The following POLRMT variants were observed in gnomAD, a reference collection of about 807,000 sequenced individuals.
POLRMT encodes RNA polymerase mitochondrial.
A neutral mutation model predicts 132.2 loss-of-function variants in POLRMT; 114 were observed. The observed-to-expected ratio is 0.86, with a 90% CI of 0.74 to 1.01. POLRMT has a LOEUF of 1.01. Among genes scored for constraint, POLRMT ranks in the 50% least tolerant of loss-of-function variants. POLRMT has a pLI of 0.00. For synonymous variants in POLRMT, 1,020 were observed against 773.4 expected (o/e 1.32, Z -5.29); for missense variants, 2,003 against 1,729.1 (o/e 1.16, Z -2.81).
At position 621,605 on chromosome 19, in the gene POLRMT, G is replaced by A. The variant is rs1461637819; in HGVS notation, c.2093C>T (p.Ala698Val). The A allele has an allele frequency of 6.6e-7, 1 of 1,504,314 alleles. No homozygotes were observed. Among genetic ancestry groups the A allele is most frequent in the Admixed American group, 2.1e-5 (1 of 46,950 alleles). The allele number at this position is 1,504,314 out of a possible 1,614,324, so 93.2% of individuals were successfully genotyped here. The change falls in exon 10 of 21, where the codon GCC becomes GTC. Residue 698 changes from alanine (A) to valine (V), a missense_variant. Coordinates refer to ENST00000588649, the MANE Select transcript of POLRMT (RefSeq NM_005035.4). ...PPTALHGALD[A>V]LTQLGNCAWR... Reference sequence around the variant, plus strand: ...GGCGCAGTTGCCCAGTTGGGTGAGGGCGTCCAGTGCGCCATGCAGCGCGGT... The same window carrying A: ...GGCGCAGTTGCCCAGTTGGGTGAGGACGTCCAGTGCGCCATGCAGCGCGGT...
At chr19:622,012 C>A (rs990759105) in intron 9 of POLRMT, 137 bp downstream of exon 9, 3 of 1,141,606 alleles carry the variant, frequency 2.6e-6, no homozygotes, top group African/African-American at 3.1e-5. Flanking sequence ...TGCATGGACA[C>A]CCATGGTGTG....
At chr19:621,031 C>A (rs774256351) in intron 10 of POLRMT, 27 bp downstream of exon 10, 1 of 1,378,336 alleles carries the variant, frequency 7.3e-7, no homozygotes, top group Non-Finnish European at 9.4e-7. Flanking sequence ...GCCGGGAGGG[C>A]GGGGAATGCG....
At chr19:621,873 G>A in intron 9 of POLRMT, 27 bp from the exon 10 acceptor site, 1 of 1,598,816 alleles carries the variant, frequency 6.3e-7, no homozygotes, top group Non-Finnish European at 8.5e-7. Flanking sequence ...AGACGGGTCA[G>A]GGCCCCGGTG....
chr19:621,420 G>T lies in POLRMT; in HGVS notation c.2278C>A (p.Arg760Ser), dbSNP rs777920611. ...ACCTTCTGGCAGTGCGCCAGCTCAC[G>T]GCGCAGCTCGGCCTTGCGGGCGGGC... ...AAPARKAELR[R>S]ELAHCQKVAR... The change falls in exon 10 of 21, where the codon CGT (arginine) becomes AGT (serine). Residue 760 changes from arginine to serine, a missense_variant. Physicochemically the swap from Arg to Ser is moderately radical, Grantham distance 110. Transcript: ENST00000588649. 1.2e-5 allele frequency: 18 copies of T among 1,486,294 alleles called. No individual in the cohort carries two copies. The highest frequency in any genetic ancestry group is 2.4e-4 in the Middle Eastern group (1 of 4,202). The allele number at this position is 1,486,294 out of a possible 1,614,324, so 92.1% of individuals were successfully genotyped here.
chr19:624,098 C>T (rs959666874), intron 5 of POLRMT, among the ~76,000 whole-genome samples: 3 of 152,236 alleles, frequency 2.0e-5, no homozygotes, highest in Non-Finnish European at 2.9e-5. Context: ...CATAAACGGA[C>T]GAACAGACGG....
intron 3 of POLRMT, chr19:625,520 T>TC (rs2144658194): frequency 2.3e-6 from 1 of 428,962 alleles, no homozygotes; most frequent in African/African-American, 2.0e-5. Flanking sequence ...TCCAGATTTG[T>TC]CAATTGTGTG....
intron 11 of POLRMT, 29 bp from the exon 12 acceptor site, chr19:620,109 G>A (rs1397157156): frequency 5.9e-6 from 9 of 1,534,530 alleles, no homozygotes; most frequent in Non-Finnish European, 7.0e-6. Flanking sequence ...ACGGGAGATG[G>A]AAGCTAGAGA....
intron 8 of POLRMT, 82 bp from the exon 9 acceptor site, chr19:622,455 G>A: frequency 6.8e-7 from 1 of 1,461,566 alleles, no homozygotes; most frequent in South Asian, 1.4e-5. Flanking sequence ...CGCCCGGTGG[G>A]GCATCTGTCA....
intron 5 of POLRMT, 135 bp downstream of exon 5, chr19:624,584 G>T: frequency 1.0e-6 from 1 of 1,000,414 alleles, no homozygotes; most frequent in Non-Finnish European, 1.4e-6. Flanking sequence ...TCTCAGAGGA[G>T]GAAGGGAGGA....
chr19:621,852 G>A lies in POLRMT; in HGVS notation c.1852-6C>T, dbSNP rs755738226. On this transcript the variant is annotated splice_polypyrimidine_tract_variant and splice_region_variant and intron_variant, in intron 9 of 20. Transcript: ENST00000588649. ...TGCGGCTTCAGGATGCCGATCTGGGGTGCGACAGGCAGACGGGTCAGGGCC... is the reference window on the plus strand; with the variant it reads ...TGCGGCTTCAGGATGCCGATCTGGGATGCGACAGGCAGACGGGTCAGGGCC... The A allele has an allele frequency of 6.2e-7, 1 of 1,601,384 alleles. No individual in the cohort carries two copies. The highest frequency in any genetic ancestry group is 8.5e-7 in the Non-Finnish European group (1 of 1,179,752).
chr19:620,918 CGGGCAGGGGGCGCCAGGG>C, intron 10 of POLRMT, 122 bp downstream of exon 10: 1 of 115,372 alleles, frequency 8.7e-6, no homozygotes, highest in Non-Finnish European at 1.4e-5. Context: ...AGGAGGAAGA[CGGGCAGGGGGCGCCAGGG>C]GAGGGGGAGG....
chr19:629,303 C>G (rs2283575), intron 3 of POLRMT, among the ~76,000 whole-genome samples: 1 of 151,956 alleles, frequency 6.6e-6, no homozygotes, highest in Non-Finnish European at 1.5e-5. Context: ...TCACGAGCCC[C>G]GAGAAAGAAC....
At chr19:623,928 G>A (rs1331338193) in intron 5 of POLRMT, among the ~76,000 whole-genome samples, 1 of 152,180 alleles carries the variant, frequency 6.6e-6, no homozygotes, top group Admixed American at 6.5e-5. Flanking sequence ...CTCAAACTCA[G>A]AACTGTATGA....
chr19:622,437 G>C, intron 8 of POLRMT, 64 bp from the exon 9 acceptor site: 1 of 1,476,468 alleles, frequency 6.8e-7, no homozygotes, highest in Non-Finnish European at 9.0e-7. Context: ...CCCACCGCCC[G>C]TGCCTGACGC....
intron 17 of POLRMT, chr19:618,283 T>G (rs922142916): frequency 1.2e-4 from 70 of 570,452 alleles, no homozygotes; most frequent in Admixed American, 6.9e-4. Flanking sequence ...CGGCTCTCCC[T>G]GTCGGGCCAC....
chr19:618,949 TACACTGGGATGGTGGC>T (rs1207027315), intron 15 of POLRMT, 32 bp downstream of exon 15: 1 of 1,463,580 alleles, frequency 6.8e-7, no homozygotes, highest in Non-Finnish European at 9.3e-7. Context: ...GGGACGCTGT[TACACTGGGATGGTGGC>T]ACACTGGGGA....
chr19:619,451 C>G, intron 13 of POLRMT, 135 bp downstream of exon 13: 2 of 1,388,172 alleles, frequency 1.4e-6, no homozygotes, highest in Non-Finnish European at 2.0e-6. Context: ...AAGAAACGCC[C>G]AAGCCCTAAC....
At chr19:619,439 G>T (rs1984320090) in intron 13 of POLRMT, 143 bp from the exon 14 acceptor site, 7 of 1,354,632 alleles carry the variant, frequency 5.2e-6, no homozygotes, top group Non-Finnish European at 7.1e-6. Context: ...CACGCAGTCA[G>T]CAAGAAACGC....
chr19:630,306 C>T, intron 2 of POLRMT, 138 bp from the exon 3 acceptor site: 1 of 1,036,558 alleles, frequency 9.6e-7, no homozygotes, highest in Non-Finnish European at 1.4e-6. Context: ...CTCATACTTG[C>T]CAACAACGTT....
Sources: gnomAD v4.1 joint callset for allele counts (sites outside exome capture counted in the v4.1 genomes callset) on GRCh38, gnomAD v4.1.1 for gene constraint, MANE v1.5 for transcripts, NCBI Gene and HGNC (gene_info 2026-07-23, HGNC 2026-07-21) for gene names.